ADAMTSL1: variants seen among roughly 807,000 people sequenced by gnomAD.
ADAMTSL1 encodes the protein ADAMTS-like protein 1.
ADAMTSL1 carries 126 observed loss-of-function variants against 201.8 expected under a neutral mutation model. That is an observed-to-expected ratio of 0.62 (90% CI 0.54 to 0.72). The LOEUF (loss-of-function observed/expected upper bound fraction) is 0.72, where lower values mean the gene tolerates loss of function less well. Among genes scored for constraint, ADAMTSL1 ranks in the 30% least tolerant of loss-of-function variants. The pLI, the probability that ADAMTSL1 is intolerant of heterozygous loss-of-function variation, is 0.00. For synonymous variants in ADAMTSL1, 1,121 were observed against 903.4 expected, an observed-to-expected ratio of 1.24 and a Z score of -4.32; for missense variants, 2,679 against 2,277.8, an observed-to-expected ratio of 1.18 and a Z score of -3.59.
In ADAMTSL1 at chr9:18,004,033, A is replaced by G. The variant is rs192095291; in HGVS notation, c.87+97111A>G. Among the ~76,000 whole-genome samples, 19 of 152,130 alleles carry G rather than the reference A, an allele frequency of 1.2e-4. No homozygotes were observed. In the East Asian group the frequency reaches 2.1e-3, roughly 17 times the overall value. Reference sequence around the variant, plus strand: ...ATGTTTGGGCACCTAAAAAGAAAATATTTCTTTTGATGATTATAAATGTAA... The same window carrying G: ...ATGTTTGGGCACCTAAAAAGAAAATGTTTCTTTTGATGATTATAAATGTAA... On this transcript the variant is annotated intron_variant, in intron 1 of 29. Transcript: ENST00000680146.
chr9:18,700,462 G>C (rs1001357620), intron 13 of ADAMTSL1, among the ~76,000 whole-genome samples: 4 of 152,078 alleles, frequency 2.6e-5, no homozygotes, highest in East Asian at 1.9e-4. Context: ...TCATCCAGTA[G>C]TAATTTTTTC....
At chr9:18,096,063 C>G (rs2131830653) in intron 1 of ADAMTSL1, among the ~76,000 whole-genome samples, 1 of 152,302 alleles carries the variant, frequency 6.6e-6, no homozygotes, top group South Asian at 2.1e-4. Flanking sequence ...TTCCCATAGT[C>G]AGTCAATTAC....
At chr9:18,712,035 T>A (rs1386269403) in intron 14 of ADAMTSL1, among the ~76,000 whole-genome samples, 19 of 148,770 alleles carry the variant, frequency 1.3e-4, no homozygotes, top group East Asian at 4.0e-4. Flanking sequence ...CAGCTGAGGG[T>A]CCTGTCTGTT....
chr9:18,327,455 T>A (rs1042175951), intron 2 of ADAMTSL1, among the ~76,000 whole-genome samples: 4 of 152,230 alleles, frequency 2.6e-5, no homozygotes, highest in Non-Finnish European at 5.9e-5. Context: ...CTGAGATCTT[T>A]CCTTGGCAGA....
intron 23 of ADAMTSL1, among the ~76,000 whole-genome samples, chr9:18,864,146 C>T (rs145344114): frequency 6.6e-6 from 1 of 152,158 alleles, no homozygotes; most frequent in African/African-American, 2.4e-5. Flanking sequence ...TACTTTTTCT[C>T]CTCCTCTTTT....
chr9:18,771,921 T>G (rs186213300), intron 17 of ADAMTSL1, among the ~76,000 whole-genome samples: 2 of 152,292 alleles, frequency 1.3e-5, no homozygotes, highest in Admixed American at 6.5e-5. Context: ...CTAAGTGCAT[T>G]GCAATTAAGA....
chr9:18,736,001 C>T (rs1818483457), intron 15 of ADAMTSL1, among the ~76,000 whole-genome samples: 1 of 151,934 alleles, frequency 6.6e-6, no homozygotes, highest in Non-Finnish European at 1.5e-5. Context: ...CAACAAAAAT[C>T]AGAGAATGTG....
intron 2 of ADAMTSL1, among the ~76,000 whole-genome samples, chr9:18,447,751 G>A (rs954893599): frequency 1.4e-4 from 22 of 152,110 alleles, no homozygotes; most frequent in African/African-American, 5.1e-4. Flanking sequence ...ACCTTCCTCC[G>A]GAGAGTCTCA....
intron 2 of ADAMTSL1, among the ~76,000 whole-genome samples, chr9:18,234,758 G>T (rs1830774759): frequency 6.6e-6 from 1 of 152,150 alleles, no homozygotes; most frequent in African/African-American, 2.4e-5. Context: ...ATTATAAAAT[G>T]CCTCCTATGG....
intron 15 of ADAMTSL1, among the ~76,000 whole-genome samples, chr9:18,738,941 T>C (rs1818668824): frequency 6.6e-6 from 1 of 152,206 alleles, no homozygotes; most frequent in Non-Finnish European, 1.5e-5. Context: ...CCAACACCTG[T>C]ACAAGCTAGA....
At chr9:18,795,665 C>T (rs746513255) in intron 20 of ADAMTSL1, 141 bp downstream of exon 20, 3 of 924,790 alleles carry the variant, frequency 3.2e-6, no homozygotes, top group Non-Finnish European at 4.8e-6. Context: ...ATAATTACAA[C>T]AGCAGTGTAG....
intron 1 of ADAMTSL1, among the ~76,000 whole-genome samples, chr9:18,053,772 A>G (rs931802203): frequency 1.3e-5 from 2 of 152,248 alleles, no homozygotes; most frequent in African/African-American, 2.4e-5. Context: ...CTCTTGATGT[A>G]CCAGGCTCCG....
At position 18,314,982 on chromosome 9, in the gene ADAMTSL1, G is replaced by A. The variant is rs564199922; in HGVS notation, c.207+151001G>A. 2.7e-4 allele frequency among the ~76,000 whole-genome samples: 40 copies of A among 150,856 alleles called. No homozygotes were observed. The Middle Eastern group carries it at 0.01, about 39-fold the overall frequency. The stretch of plus-strand genomic sequence containing the variant: ...CGGCTAATTTTTTGTATTTTTAGTA[G>A]AGACGGGGTTTCACCGTGTTAGCCA... On this transcript the variant is annotated intron_variant, in intron 2 of 29. Transcript: ENST00000680146.
intron 4 of ADAMTSL1, among the ~76,000 whole-genome samples, chr9:18,619,664 C>A (rs1825909708): frequency 6.6e-6 from 1 of 152,036 alleles, no homozygotes; most frequent in Non-Finnish European, 1.5e-5. Flanking sequence ...CGTAAGAAAT[C>A]TTTAGACTTA....
intron 4 of ADAMTSL1, 190 bp downstream of exon 4, chr9:18,574,456 GTAGAC>G (rs1475625367): frequency 7.9e-6 from 5 of 635,572 alleles, no homozygotes; most frequent in Non-Finnish European, 1.1e-5. Context: ...CGAAGGAAAA[GTAGAC>G]TAGAGTTATT....
intron 2 of ADAMTSL1, among the ~76,000 whole-genome samples, chr9:18,311,201 T>C (rs1180610706): frequency 6.6e-6 from 1 of 151,628 alleles, no homozygotes. Context: ...CTGAGGCCTG[T>C]CAGGGGGTGG....
intron 19 of ADAMTSL1, 35 bp downstream of exon 19, chr9:18,777,941 G>C: frequency 6.6e-7 from 1 of 1,516,912 alleles, no homozygotes; most frequent in Non-Finnish European, 8.8e-7. Flanking sequence ...TTGGGAGGGA[G>C]GCAAGGGGCC....
In ADAMTSL1 at chr9:18,035,183, A is replaced by G. The variant is rs114004264; in HGVS notation, c.87+128261A>G. On this transcript the variant is annotated intron_variant, in intron 1 of 29. Transcript: ENST00000680146. ...TGGGACTGTGCATAAAGAGAGCTTT[A>G]AAATTCCCACAGCTGCTCCTCTACC... Among the ~76,000 whole-genome samples the G allele has an allele frequency of 6.9e-3, 1,045 of 152,352 alleles. 10 individuals are homozygous for G. Among genetic ancestry groups the G allele is most frequent in the African/African-American group, 0.024 (993 of 41,596 alleles).
intron 2 of ADAMTSL1, among the ~76,000 whole-genome samples, chr9:18,524,498 A>G (rs930445355): frequency 1.3e-5 from 2 of 152,126 alleles, no homozygotes; most frequent in Non-Finnish European, 2.9e-5. Flanking sequence ...GTGGTGAGAG[A>G]GGGCATCCCT....
Sources: allele counts gnomAD v4.1 joint callset (sites outside exome capture counted in the v4.1 genomes callset), GRCh38; gene constraint gnomAD v4.1.1; transcripts MANE v1.5; gene names NCBI Gene and HGNC (gene_info 2026-07-23, HGNC 2026-07-21).